The following EBF1 variants were observed in gnomAD, a reference collection of about 807,000 sequenced individuals.
EBF1 encodes the protein transcription factor COE1.
In EBF1, 10 loss-of-function variants were observed where a neutral mutation model predicts 68.4. The observed-to-expected ratio is 0.15, with a 90% CI of 0.09 to 0.25. EBF1 has a LOEUF of 0.25. EBF1 is among the 10% of genes least tolerant of loss of function. The pLI is 1.00. For missense variants in EBF1, 509 were observed against 794.4 expected (o/e 0.64, Z 4.32); for synonymous variants, 298 against 299.8 (o/e 0.99, Z 0.06).
chr5:158,893,908 T>C (rs1043806527), intron 6 of EBF1, among the ~76,000 whole-genome samples: 1 of 152,172 alleles, frequency 6.6e-6, no homozygotes, highest in Non-Finnish European at 1.5e-5. Context: ...GGTTCTTGTG[T>C]TCCAGGTGTA....
At chr5:158,967,472 C>T (rs1280099957) in intron 6 of EBF1, among the ~76,000 whole-genome samples, 1 of 152,152 alleles carries the variant, frequency 6.6e-6, no homozygotes, top group East Asian at 1.9e-4. Flanking sequence ...ACCCACCTTC[C>T]AGCCTTTCAA....
chr5:158,744,162 C>A (rs893068316), intron 10 of EBF1, among the ~76,000 whole-genome samples: 4 of 151,448 alleles, frequency 2.6e-5, no homozygotes, highest in African/African-American at 7.3e-5. Flanking sequence ...AAAAAAAAAA[C>A]CAGAAGCTTA....
At chr5:159,041,539 G>C (rs1561864155) in intron 6 of EBF1, among the ~76,000 whole-genome samples, 1 of 152,106 alleles carries the variant, frequency 6.6e-6, no homozygotes, top group Non-Finnish European at 1.5e-5. Context: ...GTCACTTCTA[G>C]AAAGGGATCC....
chr5:158,739,294 T>C (rs2127565865), intron 10 of EBF1, among the ~76,000 whole-genome samples: 1 of 152,330 alleles, frequency 6.6e-6, no homozygotes, highest in South Asian at 2.1e-4. Flanking sequence ...AAATGGGAAG[T>C]AGGTGAACCT....
intron 6 of EBF1, among the ~76,000 whole-genome samples, chr5:159,022,898 CTT>C (rs1766996106): frequency 6.6e-6 from 1 of 152,170 alleles, no homozygotes; most frequent in Non-Finnish European, 1.5e-5. Flanking sequence ...GAAGTTTTCT[CTT>C]TGTTAGCATT....
intron 6 of EBF1, among the ~76,000 whole-genome samples, chr5:158,948,968 A>G (rs1287131403): frequency 6.6e-6 from 1 of 152,132 alleles, no homozygotes; most frequent in African/African-American, 2.4e-5. Flanking sequence ...GAGTTGGATC[A>G]TGGCATTTTA....
intron 12 of EBF1, 56 bp from the exon 13 acceptor site, chr5:158,713,203 A>C: frequency 7.6e-7 from 1 of 1,311,602 alleles, no homozygotes. Context: ...TCCCAATAAT[A>C]CCATTTTTTC....
At chr5:158,857,370 T>C (rs1582627283) in intron 6 of EBF1, among the ~76,000 whole-genome samples, 1 of 152,176 alleles carries the variant, frequency 6.6e-6, no homozygotes, top group East Asian at 1.9e-4. Context: ...GCTACAATTA[T>C]TATGTTGCAA....
intron 6 of EBF1, among the ~76,000 whole-genome samples, chr5:158,995,378 A>C (rs1270917640): frequency 6.6e-6 from 1 of 152,196 alleles, no homozygotes; most frequent in East Asian, 1.9e-4. Context: ...TAGGCACAGT[A>C]GCAGATCAAT....
At chr5:158,993,342 C>T (rs1462367457) in intron 6 of EBF1, among the ~76,000 whole-genome samples, 1 of 152,144 alleles carries the variant, frequency 6.6e-6, no homozygotes, top group African/African-American at 2.4e-5. Context: ...GCCACCATGC[C>T]TGGCCCTGTT....
At chr5:158,804,492 T>G (rs560009811) in intron 8 of EBF1, among the ~76,000 whole-genome samples, 31 of 152,244 alleles carry the variant, frequency 2.0e-4, no homozygotes, top group South Asian at 8.3e-4. Flanking sequence ...GCTTTTGGAT[T>G]CCTGAGTTTG....
At chr5:158,996,555 G>A (rs1397994085) in intron 6 of EBF1, among the ~76,000 whole-genome samples, 1 of 152,188 alleles carries the variant, frequency 6.6e-6, no homozygotes, top group Non-Finnish European at 1.5e-5. Flanking sequence ...AGTTCTGGGT[G>A]TACATTTCTA....
intron 6 of EBF1, among the ~76,000 whole-genome samples, chr5:159,067,224 C>T (rs1777001602): frequency 6.6e-6 from 1 of 152,128 alleles, no homozygotes; most frequent in Admixed American, 6.5e-5. Context: ...ATTCTCATTA[C>T]AAAATGATTG....
chr5:159,050,491 A>T (rs1773365458), intron 6 of EBF1, among the ~76,000 whole-genome samples: 1 of 152,150 alleles, frequency 6.6e-6, no homozygotes, highest in East Asian at 1.9e-4. Flanking sequence ...GTCACCAGAG[A>T]CAGCAGATGT....
At chr5:158,791,967 A>G (rs1014138327) in intron 9 of EBF1, among the ~76,000 whole-genome samples, 4 of 152,164 alleles carry the variant, frequency 2.6e-5, no homozygotes, top group African/African-American at 9.7e-5. Flanking sequence ...GGAGGAATTC[A>G]GAGGAGATAT....
At position 158,712,353 on chromosome 5, in the gene EBF1, C is replaced by T. The variant is rs768355410; in HGVS notation, c.1370-20G>A. On this transcript the variant is annotated intron_variant, in intron 13 of 15. Transcript: ENST00000313708. ...TGAAACCTGAGGGGCGGGGGCAAAA[C>T]CGGAGGTGAGGGTGGCATTCAGATG... 7.7e-5 allele frequency: 124 copies of T among 1,611,528 alleles called. No individual in the cohort carries two copies. The highest frequency in any genetic ancestry group is 1.1e-4 in the Non-Finnish European group (124 of 1,178,574).
At chr5:158,976,198 C>T (rs1756711200) in intron 6 of EBF1, among the ~76,000 whole-genome samples, 1 of 152,196 alleles carries the variant, frequency 6.6e-6, no homozygotes, top group Admixed American at 6.5e-5. Context: ...TTTCCCCTCT[C>T]CTGTAATGTT....
chr5:158,988,671 G>A (rs561833811), intron 6 of EBF1, among the ~76,000 whole-genome samples: 12 of 152,208 alleles, frequency 7.9e-5, no homozygotes, highest in South Asian at 2.1e-4. Context: ...CTTTAAATAG[G>A]CCCATTGTTC....
chr5:158,963,754 A>G (rs1753547450), intron 6 of EBF1, among the ~76,000 whole-genome samples: 1 of 152,238 alleles, frequency 6.6e-6, no homozygotes, highest in African/African-American at 2.4e-5. Flanking sequence ...ATAATGGAAT[A>G]TCTAACGAAA....
Sources: gnomAD v4.1 joint callset for allele counts (sites outside exome capture counted in the v4.1 genomes callset) on GRCh38, gnomAD v4.1.1 for gene constraint, MANE v1.5 for transcripts, NCBI Gene and HGNC (gene_info 2026-07-23, HGNC 2026-07-21) for gene names.